EPHA5: variants seen among roughly 807,000 people sequenced by gnomAD.
EPHA5 encodes ephrin type-A receptor 5.
EPHA5 carries 60 observed loss-of-function variants against 105.0 expected under a neutral mutation model. That is an observed-to-expected ratio of 0.57 (90% CI 0.46 to 0.71). The LOEUF (loss-of-function observed/expected upper bound fraction) is 0.71. EPHA5 is among the 30% of genes least tolerant of loss of function. The pLI is 0.00. For missense variants in EPHA5, 1,218 were observed against 1,274.7 expected (o/e 0.96, Z 0.68); for synonymous variants, 513 against 449.1 (o/e 1.14, Z -1.80).
chr4:65,606,934 A>G (rs182195162), intron 2 of EPHA5, among the ~76,000 whole-genome samples: 243 of 152,316 alleles, frequency 1.6e-3, no homozygotes, highest in African/African-American at 5.1e-3. Context: ...GACCTTGTTT[A>G]TCACCTAACT....
chr4:65,458,073 C>CAAAAA (rs10565968), intron 5 of EPHA5, among the ~76,000 whole-genome samples: 3 of 72,574 alleles, frequency 4.1e-5, no homozygotes, highest in African/African-American at 5.5e-5. Context: ...CACTCCATCC[C>CAAAAA]AAAAAAAAAA....
At chr4:65,583,838 A>G (rs1741874169) in intron 3 of EPHA5, among the ~76,000 whole-genome samples, 1 of 151,738 alleles carries the variant, frequency 6.6e-6, no homozygotes, top group Non-Finnish European at 1.5e-5. Context: ...CAAAAGGTAG[A>G]CTAAATGTAT....
At chr4:65,432,063 T>G (rs1327405530) in intron 5 of EPHA5, among the ~76,000 whole-genome samples, 5 of 152,168 alleles carry the variant, frequency 3.3e-5, no homozygotes, top group African/African-American at 1.2e-4. Flanking sequence ...AGATGAACTT[T>G]TATTTAAAAA....
chr4:65,602,233 T>C lies in EPHA5; in HGVS notation c.318A>G (p.Glu106=), dbSNP rs1254061574. The C allele has an allele frequency of 6.2e-7, 1 of 1,612,982 alleles. No homozygotes were observed. Among genetic ancestry groups the C allele is most frequent in the African/African-American group, 1.3e-5 (1 of 75,054 alleles). The stretch of plus-strand genomic sequence containing the variant: ...TCAAAAGCCAGTTATTCTGATTCTG[T>C]TCCATCACTTTGCATACTTGGTATG... ...IHTYQVCKVM[E]QNQNNWLLTS... The change falls in exon 3 of 17, where the codon GAA becomes GAG. Residue 106 remains glutamate, a synonymous_variant. Transcript: ENST00000613740.
chr4:65,632,290 T>C (rs4410578), intron 2 of EPHA5, among the ~76,000 whole-genome samples: 5,685 of 152,108 alleles, frequency 0.037, 348 homozygotes, highest in African/African-American at 0.13. Context: ...AGCCCCATTG[T>C]TGTGTTTATG....
intron 13 of EPHA5, among the ~76,000 whole-genome samples, chr4:65,349,995 G>T (rs1459951098): frequency 1.3e-5 from 2 of 151,958 alleles, no homozygotes; most frequent in Non-Finnish European, 2.9e-5. Flanking sequence ...CCATTTCAGA[G>T]GAATAAGCCT....
intron 3 of EPHA5, among the ~76,000 whole-genome samples, chr4:65,555,980 C>T (rs769879465): frequency 6.6e-6 from 1 of 152,078 alleles, no homozygotes; most frequent in African/African-American, 2.4e-5. Context: ...CAAATAGTAG[C>T]CTTTCTTCAT....
chr4:65,537,389 C>T (rs1016036182), intron 3 of EPHA5, among the ~76,000 whole-genome samples: 1 of 151,692 alleles, frequency 6.6e-6, no homozygotes, highest in South Asian at 2.1e-4. Flanking sequence ...CAAAATTAAA[C>T]TATATCTTGC....
intron 1 of EPHA5, among the ~76,000 whole-genome samples, chr4:65,661,382 TTTG>T (rs1277990305): frequency 9.2e-5 from 14 of 152,052 alleles, no homozygotes; most frequent in Non-Finnish European, 1.6e-4. Context: ...TTAAGGTAAT[TTTG>T]TTGTTGTTAT....
chr4:65,663,583 C>G (rs931800237), intron 1 of EPHA5, among the ~76,000 whole-genome samples: 37 of 152,102 alleles, frequency 2.4e-4, no homozygotes, highest in African/African-American at 8.7e-4. Context: ...TTTGCACTAA[C>G]AGATTATATC....
chr4:65,408,896 T>C (rs1047785108), intron 7 of EPHA5, among the ~76,000 whole-genome samples: 11 of 152,016 alleles, frequency 7.2e-5, no homozygotes, highest in Non-Finnish European at 1.3e-4. Context: ...CACACATATG[T>C]TTATTAAGGC....
intron 3 of EPHA5, among the ~76,000 whole-genome samples, chr4:65,523,133 T>C (rs1734921409): frequency 6.6e-6 from 1 of 152,020 alleles, no homozygotes; most frequent in African/African-American, 2.4e-5. Flanking sequence ...TTATTTAATG[T>C]ATGTTTAATA....
Position 65,351,611 on chromosome 4 carries a change from T to A in EPHA5, c.2236-13A>T, listed in dbSNP as rs1435012088. On this transcript the variant is annotated splice_polypyrimidine_tract_variant and intron_variant, in intron 12 of 16. Transcript: ENST00000613740. ...GCCCATCGTTTTTCTGTAAAGACAA[T>A]GTAGAAATATTAGTCTAGCAACACC... 1.2e-6 allele frequency: 2 copies of A among 1,612,180 alleles called. No individual in the cohort carries two copies. Among genetic ancestry groups the A allele is most frequent in the South Asian group, 1.1e-5 (1 of 91,036 alleles).
chr4:65,350,785 T>A, intron 13 of EPHA5, among the ~76,000 whole-genome samples: 1 of 152,068 alleles, frequency 6.6e-6, no homozygotes, highest in Non-Finnish European at 1.5e-5. Context: ...GAGTTAGTGA[T>A]CAATTTTCCA....
chr4:65,415,964 T>C (rs1434115244), intron 6 of EPHA5, among the ~76,000 whole-genome samples: 1 of 152,098 alleles, frequency 6.6e-6, no homozygotes, highest in African/African-American at 2.4e-5. Flanking sequence ...ATAAACCTGA[T>C]AATATTATTT....
At chr4:65,578,720 G>A (rs1007002125) in intron 3 of EPHA5, among the ~76,000 whole-genome samples, 1 of 152,086 alleles carries the variant, frequency 6.6e-6, no homozygotes, top group Non-Finnish European at 1.5e-5. Context: ...ATGTCTTTGA[G>A]GTTTCCCAAC....
rs1560458034 is a variant in EPHA5 at position 65,365,670 on chromosome 4, TATATATATATATATATATA to T, written c.1987+243_1987+261del. On this transcript the variant is annotated intron_variant, in intron 10 of 16. Transcript: ENST00000613740. ...TTCACTATATATATATATATATATA[TATATATATATATATATATA>T]GTGAAACATTATCTATTTAAAATAT... Among the ~76,000 whole-genome samples, 260 of 102,886 alleles carry T rather than the reference TATATATATATATATATATA, an allele frequency of 2.5e-3. 26 individuals are homozygous for T. Among genetic ancestry groups the T allele is most frequent in the Non-Finnish European group, 1.2e-3 (53 of 42,620 alleles). The allele number at this position is 102,886 out of a possible 152,430, so 67.5% of individuals were successfully genotyped here. A position where few individuals can be genotyped will look rare whatever the true frequency, so the allele number is the denominator to read the frequency against.
rs527946922 is a variant in EPHA5, at chr4:65,416,753, T to C, written c.1528-2310A>G. Among the ~76,000 whole-genome samples, 63 of 152,332 alleles carry C rather than the reference T, an allele frequency of 4.1e-4. 2 individuals are homozygous for C. In the South Asian group the frequency reaches 0.012, roughly 30 times the overall value. On this transcript the variant is annotated intron_variant, in intron 6 of 16. Coordinates refer to ENST00000613740, the MANE Select transcript of EPHA5 (RefSeq NM_001281766.3). ...AGTTTAATTGTACATTGGCTCTCTC[T>C]GAGTTTGCCATACATAAGTTATTGA...
intron 2 of EPHA5, among the ~76,000 whole-genome samples, chr4:65,614,059 T>G (rs188842461): frequency 1.2e-4 from 18 of 151,928 alleles, no homozygotes; most frequent in African/African-American, 4.3e-4. Flanking sequence ...ATTTACAGAT[T>G]TAGTGAAGTT....
Sources: allele counts gnomAD v4.1 joint callset (sites outside exome capture counted in the v4.1 genomes callset), GRCh38; gene constraint gnomAD v4.1.1; transcripts MANE v1.5; gene names NCBI Gene and HGNC (gene_info 2026-07-23, HGNC 2026-07-21).